Variants in OCA2 observed in about 807,000 individuals in gnomAD.
OCA2 encodes the protein OCA2 melanosomal transmembrane protein.
Under a neutral mutation model 100.2 loss-of-function variants are expected in OCA2, and 77 were observed. That is an observed-to-expected ratio of 0.77 (90% CI 0.64 to 0.93). The LOEUF (loss-of-function observed/expected upper bound fraction) is 0.93. Among genes scored for constraint, OCA2 ranks in the 40% least tolerant of loss-of-function variants. The pLI is 0.00. For synonymous variants in OCA2, 432 were observed against 439.2 expected, an observed-to-expected ratio of 0.98 and a Z score of 0.21; for missense variants, 1,062 against 1,089.1, an observed-to-expected ratio of 0.98 and a Z score of 0.35.
intron 14 of OCA2, among the ~76,000 whole-genome samples, chr15:27,972,857 TATTTTATTTTATTTTA>T (rs2040842162): frequency 4.4e-4 from 63 of 142,672 alleles, no homozygotes; most frequent in Non-Finnish European, 6.7e-4. Flanking sequence ...TATTTTATTT[TATTTTATTTTATTTTA>T]TTTTATTTTT....
intron 3 of OCA2, 38 bp downstream of exon 3, chr15:28,032,027 G>C (rs772624922): frequency 6.6e-7 from 1 of 1,521,286 alleles, no homozygotes; most frequent in East Asian, 2.3e-5. Flanking sequence ...GCAATGCTCA[G>C]AAACTCTTAC....
At chr15:27,829,301 A>ATAGATAGATAGATAGATAGATAGT (rs1555412967) in intron 23 of OCA2, among the ~76,000 whole-genome samples, 4,968 of 151,148 alleles carry the variant, frequency 0.033, 114 homozygotes, top group African/African-American at 0.056. Flanking sequence ...AGATAGATAG[A>ATAGATAGATAGATAGATAGATAGT]TAGATAGATA....
At position 27,957,611 on chromosome 15, in the gene OCA2, G is replaced by A. The variant is rs776611244; in HGVS notation, c.1761C>T (p.Ala587=). Residue 587 remains alanine (A), a synonymous_variant, in exon 16 of 24, where the codon GCC becomes GCT. Coordinates refer to ENST00000354638, the MANE Select transcript of OCA2 (RefSeq NM_000275.3). The surrounding 1 kb of genome is among the most constrained non-coding windows in gnomAD (Gnocchi z 4.3). The stretch of plus-strand genomic sequence containing the variant: ...ACCTGTGGAAGGTGTGCAGCCTCCG[G>A]GCGAGCAGGTGCTCCAGTGCCAGCA... The part of the protein sequence containing the change: ...GKVLALEHLL[A]RRLHTFHRQI... 5 of 1,612,658 alleles carry A rather than the reference G, an allele frequency of 3.1e-6. No homozygotes were observed. The highest frequency in any genetic ancestry group is 2.7e-5 in the African/African-American group (2 of 74,914).
chr15:27,930,671 C>T (rs530216560), intron 18 of OCA2, among the ~76,000 whole-genome samples: 1 of 111,332 alleles, frequency 9.0e-6, no homozygotes, highest in South Asian at 3.6e-4. Flanking sequence ...TCTACAGTGA[C>T]AGAAAACAGG....
At chr15:27,855,115 GC>G (rs1344229216) in intron 21 of OCA2, among the ~76,000 whole-genome samples, 10 of 152,206 alleles carry the variant, frequency 6.6e-5, no homozygotes, top group Non-Finnish European at 1.0e-4. Flanking sequence ...TCTGGGATTT[GC>G]AATTCTGATA....
intron 8 of OCA2, 38 bp downstream of exon 8, chr15:28,016,066 G>A (rs1230801060): frequency 1.3e-6 from 2 of 1,546,166 alleles, no homozygotes; most frequent in Non-Finnish European, 1.8e-6. Flanking sequence ...ACGTGTCCCA[G>A]AGAGCCTGCC....
At chr15:27,722,872 C>G in the OCA2 span, among the ~76,000 whole-genome samples, 1 of 150,804 alleles carries the variant, frequency 6.6e-6, no homozygotes, top group Non-Finnish European at 1.5e-5. Flanking sequence ...GGCTGAGTCT[C>G]TCTCTGTTGC....
intron 19 of OCA2, among the ~76,000 whole-genome samples, chr15:27,918,118 G>C (rs1424621453): frequency 8.2e-6 from 1 of 122,126 alleles, no homozygotes; most frequent in Non-Finnish European, 1.6e-5. Context: ...TTTTGAGACA[G>C]AGTCTCACTC....
At chr15:27,722,792 C>CTCTCTCTG in the OCA2 span, among the ~76,000 whole-genome samples, 1 of 144,454 alleles carries the variant, frequency 6.9e-6, no homozygotes, top group Non-Finnish European at 1.5e-5. Context: ...CTCTCTCTCT[C>CTCTCTCTG]TCTCTCTCTT....
At chr15:28,095,732 G>C (rs200625387) in intron 1 of OCA2, among the ~76,000 whole-genome samples, 1 of 146,752 alleles carries the variant, frequency 6.8e-6, no homozygotes, top group African/African-American at 2.6e-5. Context: ...AAAAAAAAAA[G>C]AACATTGTTC....
At chr15:27,973,667 G>C (rs935774318) in intron 14 of OCA2, among the ~76,000 whole-genome samples, 2 of 152,100 alleles carry the variant, frequency 1.3e-5, no homozygotes, top group Non-Finnish European at 2.9e-5. Flanking sequence ...GGCTATTCAG[G>C]CTCTTTTTTG....
At chr15:28,007,964 C>A (rs563302616) in intron 9 of OCA2, among the ~76,000 whole-genome samples, 46 of 152,308 alleles carry the variant, frequency 3.0e-4, no homozygotes, top group African/African-American at 1.1e-3. Flanking sequence ...GTGCCCCCCA[C>A]GTAGGAGCCA....
At chr15:27,842,245 T>TA (rs1229866398) in intron 23 of OCA2, among the ~76,000 whole-genome samples, 2 of 152,198 alleles carry the variant, frequency 1.3e-5, no homozygotes. Flanking sequence ...AAAGGCTTTG[T>TA]AAAAAATATG....
intron 14 of OCA2, among the ~76,000 whole-genome samples, chr15:27,980,992 T>C (rs549595179): frequency 6.6e-5 from 10 of 152,366 alleles, no homozygotes; most frequent in African/African-American, 2.2e-4. Flanking sequence ...GAGATGAGAA[T>C]TGCATATGTT....
chr15:28,011,360 C>T (rs1354574569), intron 9 of OCA2, among the ~76,000 whole-genome samples: 3 of 152,004 alleles, frequency 2.0e-5, no homozygotes, highest in East Asian at 1.9e-4. Context: ...CCCAGCTACT[C>T]GGGAGACCGA....
chr15:27,777,218 C>T (rs1198239591), intron 23 of OCA2, among the ~76,000 whole-genome samples: 1 of 152,130 alleles, frequency 6.6e-6, no homozygotes, highest in Non-Finnish European at 1.5e-5. Flanking sequence ...GGACTACGCT[C>T]TGGGCTCAAG....
chr15:27,910,242 C>T (rs559962765), intron 19 of OCA2, among the ~76,000 whole-genome samples: 24 of 152,316 alleles, frequency 1.6e-4, no homozygotes, highest in African/African-American at 5.8e-4. Context: ...CACATAATGC[C>T]AGTGGGAGTA....
chr15:27,823,596 T>A (rs1452573900), intron 23 of OCA2, among the ~76,000 whole-genome samples: 1 of 152,114 alleles, frequency 6.6e-6, no homozygotes, highest in African/African-American at 2.4e-5. Flanking sequence ...TTTAACTGAG[T>A]TTTTTTACAT....
intron 23 of OCA2, among the ~76,000 whole-genome samples, chr15:27,759,891 A>G (rs185508987): frequency 6.6e-5 from 10 of 152,290 alleles, no homozygotes; most frequent in African/African-American, 2.2e-4. Context: ...AGCCAACAAC[A>G]GCAGAATGCA....
Sources: gnomAD v4.1 joint callset for allele counts (sites outside exome capture counted in the v4.1 genomes callset) on GRCh38, gnomAD v4.1.1 for gene constraint, Gnocchi (gnomAD v3.1) non-coding constraint, MANE v1.5 for transcripts, NCBI Gene and HGNC (gene_info 2026-07-23, HGNC 2026-07-21) for gene names.